FHAD1: variants seen among roughly 807,000 people sequenced by gnomAD.
FHAD1 encodes the protein forkhead-associated domain-containing protein 1.
FHAD1 carries 146 observed loss-of-function variants against 191.3 expected under a neutral mutation model. The ratio of observed to expected loss-of-function variants is 0.76; its 90% CI spans 0.67 to 0.88. The LOEUF (loss-of-function observed/expected upper bound fraction) is 0.88. Ranked by LOEUF, FHAD1 falls within the 40% of genes least tolerant of loss-of-function variation. The pLI is 0.00. For missense variants in FHAD1, 1,635 were observed against 1,785.8 expected (o/e 0.92, Z 1.52); for synonymous variants, 616 against 672.3 (o/e 0.92, Z 1.29).
upstream of FHAD1, among the ~76,000 whole-genome samples, chr1:15,246,966 C>G (rs1363668217): frequency 6.6e-6 from 1 of 152,202 alleles, no homozygotes; most frequent in Non-Finnish European, 1.5e-5. Flanking sequence ...CTCAACGCAT[C>G]CAGCTTACAG....
chr1:15,394,345 A>G (rs916711744), intron 33 of FHAD1, among the ~76,000 whole-genome samples: 4 of 152,210 alleles, frequency 2.6e-5, no homozygotes, highest in African/African-American at 9.7e-5. Context: ...GGGCACTGGC[A>G]TTTGGAAACC....
intron 20 of FHAD1, among the ~76,000 whole-genome samples, chr1:15,355,936 GAAAAA>G (rs71572151): frequency 8.5e-6 from 1 of 117,390 alleles, no homozygotes; most frequent in Non-Finnish European, 1.9e-5. Context: ...TAGAAAACTT[GAAAAA>G]AAAAAAAAAA....
intron 28 of FHAD1, among the ~76,000 whole-genome samples, chr1:15,378,071 A>C (rs1700073215): frequency 6.6e-6 from 1 of 152,174 alleles, no homozygotes; most frequent in East Asian, 1.9e-4. Context: ...TGGGAGGCCG[A>C]GGCAGGCAGA....
intron 7 of FHAD1, 59 bp downstream of exon 7, chr1:15,308,795 C>T: frequency 2.6e-6 from 4 of 1,547,230 alleles, no homozygotes; most frequent in Non-Finnish European, 2.6e-6. Context: ...TTCTTGGCCA[C>T]AGCAGACATC....
intron 31 of FHAD1, chr1:15,383,659 T>G: frequency 3.3e-6 from 1 of 302,296 alleles, no homozygotes; most frequent in Non-Finnish European, 6.6e-6. Context: ...AAGGCTGGGG[T>G]TAGGCAAGTC....
chr1:15,285,260 T>G lies in FHAD1; in HGVS notation c.301-4139T>G, dbSNP rs923908467. 5.9e-5 allele frequency among the ~76,000 whole-genome samples: 9 copies of G among 152,170 alleles called. No individual in the cohort carries two copies. In the South Asian group the frequency reaches 6.2e-4, roughly 10 times the overall value. On this transcript the variant is annotated intron_variant, in intron 3 of 33. Transcript: ENST00000688493. ...TCAAAAAACAAACAATGCCGGGCGC[T>G]GTGGCTCATGCCTGTAATCCCAGCA...
intron 7 of FHAD1, among the ~76,000 whole-genome samples, chr1:15,310,274 G>T (rs529079680): frequency 6.6e-6 from 1 of 152,192 alleles, no homozygotes; most frequent in Admixed American, 6.5e-5. Flanking sequence ...GACCCAGGCC[G>T]CCTGGCCGTG....
rs933146499 is a variant in FHAD1, at chr1:15,311,089, C to T, written c.1040-1968C>T. On this transcript the variant is annotated intron_variant, in intron 7 of 33. Transcript: ENST00000688493. This position sits in a 1 kb window ranked among gnomAD's most constrained non-coding sequence, Gnocchi z 4.1. ...GTGGAAACAAACAAGATGAAATCTA[C>T]GATTGCCCCCGGCTGGCTTGCGCTG... 6.6e-6 allele frequency among the ~76,000 whole-genome samples: 1 copy of T among 152,290 alleles called. No homozygotes were observed. Among genetic ancestry groups the T allele is most frequent in the East Asian group, 1.9e-4 (1 of 5,184 alleles).
intron 28 of FHAD1, among the ~76,000 whole-genome samples, chr1:15,379,562 C>T (rs1700430206): frequency 6.6e-6 from 1 of 152,196 alleles, no homozygotes; most frequent in Non-Finnish European, 1.5e-5. Context: ...AGCACAGACC[C>T]TTTACGGGTG....
chr1:15,355,613 T>A (rs1692460509), intron 20 of FHAD1, among the ~76,000 whole-genome samples: 1 of 152,166 alleles, frequency 6.6e-6, no homozygotes, highest in Admixed American at 6.5e-5. Context: ...CAGTTTGTTG[T>A]GAATTATTTG....
At position 15,257,673 on chromosome 1, in the gene FHAD1, C is replaced by A. The variant is rs1038607746; in HGVS notation, c.93+5796C>A. On this transcript the variant is annotated intron_variant, in intron 2 of 33. Transcript: ENST00000688493. ...CTGGTCAGTTCCCAACACAGCAATG[C>A]ATGGGCCTACTTTCCCTTCAGCACG... Among the ~76,000 whole-genome samples, 2 of 152,246 alleles carry A rather than the reference C, an allele frequency of 1.3e-5. 1 individual carries two copies. Among genetic ancestry groups the A allele is most frequent in the South Asian group, 4.1e-4 (2 of 4,832 alleles).
At chr1:15,337,367 C>A (rs1569575177) in intron 14 of FHAD1, among the ~76,000 whole-genome samples, 1 of 152,326 alleles carries the variant, frequency 6.6e-6, no homozygotes, top group East Asian at 1.9e-4. Context: ...CCATTCTACC[C>A]CTTTAAAAGG....
chr1:15,337,064 A>G (rs1355175248), intron 14 of FHAD1, among the ~76,000 whole-genome samples: 1 of 152,214 alleles, frequency 6.6e-6, no homozygotes, highest in Non-Finnish European at 1.5e-5. Flanking sequence ...AGGGGCTGCC[A>G]GGAAAGTGGT....
chr1:15,401,981 G>A (rs898344987), downstream of FHAD1, among the ~76,000 whole-genome samples: 9 of 152,272 alleles, frequency 5.9e-5, no homozygotes, highest in East Asian at 1.4e-3. Context: ...CAATGCCTCC[G>A]TCCAGTTGGG....
In FHAD1 at chr1:15,289,679, G is replaced by C. The variant is rs1402837604; in HGVS notation, c.568+13G>C. The C allele has an allele frequency of 1.9e-6, 3 of 1,538,728 alleles. No individual in the cohort carries two copies. The highest frequency in any genetic ancestry group is 2.6e-6 in the Non-Finnish European group (3 of 1,136,872). On this transcript the variant is annotated intron_variant, in intron 4 of 33. Transcript: ENST00000688493. This position sits in a 1 kb window ranked among gnomAD's most constrained non-coding sequence, Gnocchi z 4.2. ...GTCATCAAGCAAGGTATGCGTCAGG[G>C]CTGCCATTGGTGGCTTGGGGGTGGT... is the stretch of plus-strand genomic sequence containing the variant.
At chr1:15,382,240 C>T (rs1167515675) in intron 31 of FHAD1, 47 bp downstream of exon 31, 2 of 1,534,514 alleles carry the variant, frequency 1.3e-6, no homozygotes. Context: ...TGCCCTGCAG[C>T]TCCCATTAGC....
intron 3 of FHAD1, among the ~76,000 whole-genome samples, chr1:15,275,064 G>A (rs965209860): frequency 6.6e-6 from 1 of 151,942 alleles, no homozygotes; most frequent in Non-Finnish European, 1.5e-5. Flanking sequence ...CCGGGTTCAC[G>A]CCATTCTCCT....
Position 15,345,209 on chromosome 1 carries a change from C to CA in FHAD1, c.2238+20dup, listed in dbSNP as rs1688383439. 1.3e-6 allele frequency: 2 copies of CA among 1,541,728 alleles called. No homozygotes were observed. The highest frequency in any genetic ancestry group is 3.9e-5 in the Admixed American group (2 of 50,944). ...GAAGAAGGTATGTGGCTCAGGGAGA[C>CA]AGAGTCAGCTCGAGCCCCACTGCAG... On this transcript the variant is annotated intron_variant, in intron 17 of 33. Coordinates refer to ENST00000688493, the MANE Select transcript of FHAD1 (RefSeq NM_001391957.1).
chr1:15,280,446 C>T (rs889256175), intron 3 of FHAD1, among the ~76,000 whole-genome samples: 2 of 152,080 alleles, frequency 1.3e-5, no homozygotes, highest in Non-Finnish European at 2.9e-5. Flanking sequence ...ACAATGTCCT[C>T]GGCAAAAACA....
Sources: gnomAD v4.1 joint callset for allele counts (sites outside exome capture counted in the v4.1 genomes callset) on GRCh38, gnomAD v4.1.1 for gene constraint, Gnocchi (gnomAD v3.1) non-coding constraint, MANE v1.5 for transcripts, NCBI Gene and HGNC (gene_info 2026-07-23, HGNC 2026-07-21) for gene names.